Variants in FOXP2 observed in about 807,000 individuals in gnomAD.
FOXP2 encodes the protein forkhead box protein P2.
A neutral mutation model predicts 115.8 loss-of-function variants in FOXP2; 12 were observed. The observed-to-expected ratio is 0.10, with a 90% CI of 0.07 to 0.17. FOXP2 has a LOEUF of 0.17. FOXP2 is among the 10% of genes least tolerant of loss of function. The pLI, the probability that FOXP2 is intolerant of heterozygous loss-of-function variation, is 1.00. For missense variants in FOXP2, 629 were observed against 843.5 expected, an observed-to-expected ratio of 0.75 and a Z score of 3.15; for synonymous variants, 328 against 297.7, an observed-to-expected ratio of 1.10 and a Z score of -1.05.
At chr7:114,092,885 C>CA (rs1799571848) in intron 1 of FOXP2, among the ~76,000 whole-genome samples, 1 of 151,856 alleles carries the variant, frequency 6.6e-6, no homozygotes, top group South Asian at 2.1e-4. Flanking sequence ...TAAATGGCAA[C>CA]AAAAAATGAT....
At chr7:114,633,807 A>G (rs1276111800) in intron 6 of FOXP2, among the ~76,000 whole-genome samples, 2 of 152,192 alleles carry the variant, frequency 1.3e-5, no homozygotes, top group Non-Finnish European at 2.9e-5. Context: ...TGTACAGTGT[A>G]AGCCCTGAAT....
intron 1 of FOXP2, among the ~76,000 whole-genome samples, chr7:114,209,800 T>C (rs1199302281): frequency 6.6e-6 from 1 of 152,176 alleles, no homozygotes; most frequent in African/African-American, 2.4e-5. Context: ...TCTCTTTACA[T>C]AATCCCATAG....
intron 2 of FOXP2, among the ~76,000 whole-genome samples, chr7:114,299,194 G>A (rs1395929849): frequency 2.0e-5 from 3 of 152,024 alleles, no homozygotes; most frequent in African/African-American, 7.2e-5. Context: ...ATGCTTTTGT[G>A]AGTAAAAAGG....
At chr7:114,140,366 C>A (rs1196261632) in intron 1 of FOXP2, among the ~76,000 whole-genome samples, 1 of 152,118 alleles carries the variant, frequency 6.6e-6, no homozygotes, top group South Asian at 2.1e-4. Context: ...AAAATGTGTT[C>A]TGTCCATTGA....
At chr7:114,358,315 A>G (rs1791663352) in intron 2 of FOXP2, among the ~76,000 whole-genome samples, 1 of 152,130 alleles carries the variant, frequency 6.6e-6, no homozygotes, top group Non-Finnish European at 1.5e-5. Flanking sequence ...GTCTTTATAG[A>G]TTACCCAGTC....
chr7:114,132,034 T>C (rs1163043433), intron 1 of FOXP2, among the ~76,000 whole-genome samples: 3 of 152,118 alleles, frequency 2.0e-5, no homozygotes, highest in African/African-American at 7.2e-5. Context: ...TGTTATGTCT[T>C]CTTGGAAAAG....
chr7:114,157,318 A>G (rs1056883623), intron 1 of FOXP2, among the ~76,000 whole-genome samples: 1 of 152,142 alleles, frequency 6.6e-6, no homozygotes, highest in African/African-American at 2.4e-5. Flanking sequence ...AGAAAATGCT[A>G]TTTGAGTAGC....
chr7:114,385,246 C>G (rs748138661), intron 2 of FOXP2, among the ~76,000 whole-genome samples: 1 of 152,022 alleles, frequency 6.6e-6, no homozygotes, highest in Non-Finnish European at 1.5e-5. Flanking sequence ...TAGATCCCTT[C>G]GGAGATACAA....
chr7:114,454,179 A>G (rs1340571057), intron 2 of FOXP2, among the ~76,000 whole-genome samples: 2 of 151,352 alleles, frequency 1.3e-5, no homozygotes, highest in Non-Finnish European at 3.0e-5. Context: ...CAAGAAAAAA[A>G]CAAACAACCC....
chr7:114,643,780 C>A (rs1805716373), intron 7 of FOXP2, among the ~76,000 whole-genome samples: 1 of 152,100 alleles, frequency 6.6e-6, no homozygotes. Context: ...GAATTCTTAA[C>A]ATAATGGCTT....
At chr7:114,105,515 G>A (rs1266445522) in intron 1 of FOXP2, among the ~76,000 whole-genome samples, 3 of 152,048 alleles carry the variant, frequency 2.0e-5, no homozygotes, top group African/African-American at 2.4e-5. Context: ...AATGCTTGTG[G>A]TGGTTGATGC....
At chr7:114,318,755 T>A (rs910723514) in intron 2 of FOXP2, among the ~76,000 whole-genome samples, 2 of 151,628 alleles carry the variant, frequency 1.3e-5, no homozygotes, top group Non-Finnish European at 2.9e-5. Context: ...ATATGGAATG[T>A]TTTGCATATT....
At chr7:114,300,595 A>G (rs1043306582) in intron 2 of FOXP2, among the ~76,000 whole-genome samples, 1 of 152,058 alleles carries the variant, frequency 6.6e-6, no homozygotes, top group African/African-American at 2.4e-5. Context: ...GTAGTACACT[A>G]CTATAGGTAT....
intron 2 of FOXP2, among the ~76,000 whole-genome samples, chr7:114,353,053 G>C (rs1406345415): frequency 6.6e-6 from 1 of 152,092 alleles, no homozygotes; most frequent in Non-Finnish European, 1.5e-5. Context: ...AAATGGGATA[G>C]GTTTTCTTCA....
intron 3 of FOXP2, among the ~76,000 whole-genome samples, chr7:114,618,675 T>C (rs958983407): frequency 1.3e-5 from 2 of 152,206 alleles, no homozygotes; most frequent in African/African-American, 4.8e-5. Flanking sequence ...ACAGGTATTA[T>C]GTATCACTTT....
intron 1 of FOXP2, among the ~76,000 whole-genome samples, chr7:114,255,464 G>C (rs187411717): frequency 5.5e-4 from 83 of 152,282 alleles, no homozygotes; most frequent in Middle Eastern, 3.4e-3. Context: ...GGGCTGCTTC[G>C]TTTACCTACT....
intron 2 of FOXP2, among the ~76,000 whole-genome samples, chr7:114,512,323 T>C (rs1360067333): frequency 1.3e-5 from 2 of 152,222 alleles, no homozygotes; most frequent in East Asian, 1.9e-4. Flanking sequence ...TCTATGCCCA[T>C]TGATAAGAAA....
intron 1 of FOXP2, among the ~76,000 whole-genome samples, chr7:114,218,263 G>A (rs1434474428): frequency 1.3e-5 from 2 of 152,104 alleles, no homozygotes; most frequent in Non-Finnish European, 1.5e-5. Context: ...TTGTGTTACA[G>A]TACCCTCTAC....
At chr7:114,102,425 C>T (rs544006570) in intron 1 of FOXP2, among the ~76,000 whole-genome samples, 3 of 152,014 alleles carry the variant, frequency 2.0e-5, no homozygotes, top group Non-Finnish European at 4.4e-5. Flanking sequence ...ATCTCTATTG[C>T]ACTTTCTCAC....
Sources: gnomAD v4.1 joint callset for allele counts (sites outside exome capture counted in the v4.1 genomes callset) on GRCh38, gnomAD v4.1.1 for gene constraint, MANE v1.5 for transcripts, NCBI Gene and HGNC (gene_info 2026-07-23, HGNC 2026-07-21) for gene names.